Variants in PLXND1 observed in about 807,000 individuals in gnomAD.
PLXND1 encodes plexin D1, also known as plexin-D1.
In PLXND1, 54 loss-of-function variants were observed where a neutral mutation model predicts 197.7. The observed-to-expected ratio is 0.27, with a 90% CI of 0.22 to 0.34. The LOEUF (loss-of-function observed/expected upper bound fraction) is 0.34, where lower values mean the gene tolerates loss of function less well. PLXND1 is among the 10% of genes least tolerant of loss of function. The pLI, the probability that PLXND1 is intolerant of heterozygous loss-of-function variation, is 1.00. For missense variants in PLXND1, 2,127 were observed against 2,699.2 expected, an observed-to-expected ratio of 0.79 and a Z score of 4.70; for synonymous variants, 1,180 against 1,161.2, an observed-to-expected ratio of 1.02 and a Z score of -0.33.
At chr3:129,578,137 G>A (rs1249855279) in intron 9 of PLXND1, among the ~76,000 whole-genome samples, 192 bp downstream of exon 9, 3 of 152,238 alleles carry the variant, frequency 2.0e-5, no homozygotes, top group Non-Finnish European at 2.9e-5. Context: ...TTGCAGCCCC[G>A]TGCAGTCAGA....
intron 11 of PLXND1, 81 bp from the exon 12 acceptor site, chr3:129,574,571 C>A: frequency 1.4e-6 from 2 of 1,401,364 alleles, no homozygotes; most frequent in Non-Finnish European, 2.0e-6. Context: ...CACACAACAA[C>A]TGTCAAGAGG....
rs867846232 is a variant in PLXND1 at position 129,574,283 on chromosome 3, G to A, written c.2685+53C>T. 215 of 1,507,904 alleles carry A rather than the reference G, an allele frequency of 1.4e-4. 1 individual carries two copies. The African/African-American group carries it at 2.3e-3, about 16-fold the overall frequency. 93.4% of individuals were successfully genotyped at this position (1,507,904 alleles called of 1,614,324 possible). ...GAAGTGGGACCCTCGAGGGCACTGCGCATGCGCCGTGCCGGAGTGCGGGTG... is the reference window on the plus strand; with the variant it reads ...GAAGTGGGACCCTCGAGGGCACTGCACATGCGCCGTGCCGGAGTGCGGGTG... On this transcript the variant is annotated intron_variant, in intron 12 of 35. Transcript: ENST00000324093.
chr3:129,557,250 G>C lies in PLXND1; in HGVS notation c.5446-27C>G. ...TGGGCAGAGAAGAGCGAGGGTGTTA[G>C]ATGGCTGCTGGAGAAAGGACGGATC... is the stretch of plus-strand genomic sequence containing the variant. On this transcript the variant is annotated intron_variant, in intron 33 of 35. Coordinates refer to ENST00000324093, the MANE Select transcript of PLXND1 (RefSeq NM_015103.3). This position sits in a 1 kb window ranked among gnomAD's most constrained non-coding sequence, Gnocchi z 4.8. 6.2e-7 allele frequency: 1 copy of C among 1,613,608 alleles called. No homozygotes were observed. Among genetic ancestry groups the C allele is most frequent in the East Asian group, 2.2e-5 (1 of 44,866 alleles).
intron 1 of PLXND1, chr3:129,591,691 T>G (rs565284079): frequency 1.3e-5 from 2 of 152,146 alleles, no homozygotes; most frequent in Non-Finnish European, 2.9e-5. Flanking sequence ...CAACTGCTGA[T>G]CAAAAAAGAA....
intron 9 of PLXND1, among the ~76,000 whole-genome samples, chr3:129,578,018 AC>A (rs990542502): frequency 6.6e-6 from 1 of 152,008 alleles, no homozygotes; most frequent in African/African-American, 2.4e-5. Context: ...GGCAGCGTCC[AC>A]CCTCCGGCTG....
In PLXND1 at chr3:129,572,909, G is replaced by A. The variant is rs767983898; in HGVS notation, c.2870C>T (p.Pro957Leu). 36 of 1,613,580 alleles carry A rather than the reference G, an allele frequency of 2.2e-5. No homozygotes were observed. Among genetic ancestry groups the A allele is most frequent in the African/African-American group, 5.3e-5 (4 of 74,934 alleles). The change falls in exon 14 of 36, where the codon CCA (proline) becomes CTA (leucine). Residue 957 changes from proline (P) to leucine (L), a missense_variant. Physicochemically the swap from Pro to Leu is moderately conservative, Grantham distance 98 (BLOSUM62 -3). Transcript: ENST00000324093. ...GTTCACGGTCACCACACCTGAGAGTGGTCCTGGGGCTGGCCCTGTGACACA... is the reference window on the plus strand; with the variant it reads ...GTTCACGGTCACCACACCTGAGAGTAGTCCTGGGGCTGGCCCTGTGACACA... ...IVCVTGPAPGPLSGVVTVNAS... is the reference protein window; with the variant it reads ...IVCVTGPAPGLLSGVVTVNAS...
At chr3:129,571,334 G>A (rs1274696287) in intron 17 of PLXND1, 31 bp from the exon 18 acceptor site, 1 of 1,599,416 alleles carries the variant, frequency 6.3e-7, no homozygotes, top group Admixed American at 1.8e-5. Flanking sequence ...GCCCAGGCCG[G>A]GATGCAGGAT....
At chr3:129,593,714 G>A (rs2085579743) in intron 1 of PLXND1, among the ~76,000 whole-genome samples, 1 of 152,244 alleles carries the variant, frequency 6.6e-6, no homozygotes, top group Non-Finnish European at 1.5e-5. Context: ...CTGGAGAACT[G>A]AGGGAAACGT....
chr3:129,602,364 C>G (rs1321087565), intron 1 of PLXND1, among the ~76,000 whole-genome samples: 1 of 152,238 alleles, frequency 6.6e-6, no homozygotes, highest in South Asian at 2.1e-4. Flanking sequence ...TCACAGCCTT[C>G]GCACAGGCTG....
intron 1 of PLXND1, among the ~76,000 whole-genome samples, chr3:129,589,912 T>A (rs747611644): frequency 6.6e-6 from 1 of 152,148 alleles, no homozygotes; most frequent in African/African-American, 2.4e-5. Flanking sequence ...CCACACCAGA[T>A]GACCGGAGGC....
chr3:129,594,027 A>C (rs1036588395), intron 1 of PLXND1, among the ~76,000 whole-genome samples: 13 of 152,232 alleles, frequency 8.5e-5, no homozygotes, highest in Non-Finnish European at 1.8e-4. Flanking sequence ...GGAGCGCTTC[A>C]AGAGCCCGGC....
At position 129,589,480 on chromosome 3, in the gene PLXND1, C is replaced by T. The variant is rs368820342; in HGVS notation, c.1359G>A (p.Pro453=). The part of the protein sequence containing the change: ...LDCGAAHLQH[P]LSILQPLKAT... ...CCTTCAGGGGCTGCAGGATGGACAGCGGGTGCTGCAGGTGAGCAGCTCCAC... is the reference window on the plus strand; with the variant it reads ...CCTTCAGGGGCTGCAGGATGGACAGTGGGTGCTGCAGGTGAGCAGCTCCAC... The change falls in exon 2 of 36, where the codon CCG becomes CCA. Residue 453 remains proline, a synonymous_variant. Transcript: ENST00000324093. The T allele has an allele frequency of 1.2e-5, 19 of 1,607,538 alleles. No individual in the cohort carries two copies. Among genetic ancestry groups the T allele is most frequent in the Admixed American group, 3.4e-5 (2 of 59,442 alleles).
At chr3:129,575,444 A>G in intron 11 of PLXND1, 25 bp downstream of exon 11, 1 of 1,458,022 alleles carries the variant, frequency 6.9e-7, no homozygotes, top group African/African-American at 1.4e-5. Flanking sequence ...CCCCGAGGCC[A>G]TGTGGGGCGG....
At chr3:129,563,518 A>C (rs561105435) in intron 25 of PLXND1, among the ~76,000 whole-genome samples, 267 of 152,384 alleles carry the variant, frequency 1.8e-3, no homozygotes, top group African/African-American at 6.0e-3. Flanking sequence ...GCCGAGGCTC[A>C]GAGAGGGCAA....
At chr3:129,569,803 A>C in intron 20 of PLXND1, 40 bp downstream of exon 20, 1 of 1,177,634 alleles carries the variant, frequency 8.5e-7, no homozygotes, top group South Asian at 1.2e-5. Flanking sequence ...CAAGGTGGCA[A>C]GCCTGCCCTC....
chr3:129,567,453 G>T, intron 22 of PLXND1, 39 bp downstream of exon 22: 3 of 1,237,470 alleles, frequency 2.4e-6, no homozygotes, highest in Non-Finnish European at 3.5e-6. Context: ...CCTTGAGGTG[G>T]CTGGCACAGG....
In PLXND1 at chr3:129,556,589, G is replaced by A. The variant is rs376111349; in HGVS notation, c.5661+28C>T. 1.1e-5 allele frequency: 17 copies of A among 1,555,628 alleles called. No homozygotes were observed. In the African/African-American group the frequency reaches 1.9e-4, roughly 17 times the overall value. On this transcript the variant is annotated intron_variant, in intron 35 of 35. Coordinates refer to ENST00000324093, the MANE Select transcript of PLXND1 (RefSeq NM_015103.3). ...GAGTAGGAAGCTCACCTACCCCGAGGGCAGGTGCCTCACCCTGGGGCACTC... is the reference window on the plus strand; with the variant it reads ...GAGTAGGAAGCTCACCTACCCCGAGAGCAGGTGCCTCACCCTGGGGCACTC...
At chr3:129,560,299 T>C (rs756434887) in intron 31 of PLXND1, 31 bp downstream of exon 31, 2 of 1,390,970 alleles carry the variant, frequency 1.4e-6, no homozygotes, top group Admixed American at 1.7e-5. Context: ...TTGTACCCAC[T>C]GCACAGAGGG....
At chr3:129,576,275 C>T (rs1416404634) in intron 9 of PLXND1, among the ~76,000 whole-genome samples, 1 of 152,266 alleles carries the variant, frequency 6.6e-6, no homozygotes, top group Non-Finnish European at 1.5e-5. Context: ...CTGCCCCGGC[C>T]TTTGCCTGAG....
Sources: allele counts gnomAD v4.1 joint callset (sites outside exome capture counted in the v4.1 genomes callset), GRCh38; gene constraint gnomAD v4.1.1; non-coding constraint Gnocchi (gnomAD v3.1); transcripts MANE v1.5; gene names NCBI Gene and HGNC (gene_info 2026-07-23, HGNC 2026-07-21).